Variants in GAREM2 observed in about 807,000 individuals in gnomAD.
GAREM2 encodes the protein GRB2 associated regulator of MAPK1 subtype 2, also known as GRB2-associated and regulator of MAPK protein 2.
GAREM2 carries 30 observed loss-of-function variants against 55.6 expected under a neutral mutation model. The observed-to-expected ratio is 0.54, with a 90% CI of 0.40 to 0.73. The LOEUF (loss-of-function observed/expected upper bound fraction) is 0.73, where lower values mean the gene tolerates loss of function less well. GAREM2 is among the 30% of genes least tolerant of loss of function. GAREM2 has a pLI of 0.00. For missense variants in GAREM2, 1,075 were observed against 1,257.7 expected, an observed-to-expected ratio of 0.85 and a Z score of 2.20; for synonymous variants, 550 against 569.1, an observed-to-expected ratio of 0.97 and a Z score of 0.48.
At chr2:26,203,344 T>C in the GAREM2 span, among the ~76,000 whole-genome samples, 2 of 152,202 alleles carry the variant, frequency 1.3e-5, no homozygotes, top group East Asian at 1.9e-4. Context: ...GTCCATTAAA[T>C]GTGAGCAGAA....
chr2:26,173,353 G>A (rs1384270000), intron 1 of GAREM2, 21 bp downstream of exon 1: 10 of 1,292,060 alleles, frequency 7.7e-6, no homozygotes, highest in Non-Finnish European at 1.0e-5. Flanking sequence ...CGCTGGAGAT[G>A]GGGACCGGGG....
chr2:26,201,113 T>C, the GAREM2 span: 5 of 1,509,180 alleles, frequency 3.3e-6, no homozygotes, highest in East Asian at 1.1e-4. Flanking sequence ...TTCTGTTCAC[T>C]ACACTAGGAT....
chr2:26,184,025 G>T (rs750910619), intron 3 of GAREM2, among the ~76,000 whole-genome samples: 1 of 152,278 alleles, frequency 6.6e-6, no homozygotes, highest in Non-Finnish European at 1.5e-5. Context: ...AGATATGGTC[G>T]CTAAGGCGTG....
intron 2 of GAREM2, among the ~76,000 whole-genome samples, chr2:26,182,689 G>A (rs879130024): frequency 1.3e-5 from 2 of 152,184 alleles, no homozygotes; most frequent in South Asian, 2.1e-4. Flanking sequence ...GGGTTTCTCT[G>A]GGCAGGCAGC....
At chr2:26,192,168 C>T (rs1380031315), downstream of GAREM2, 10 of 626,692 alleles carry the variant, frequency 1.6e-5, no homozygotes, top group African/African-American at 1.9e-5. Flanking sequence ...CACCATGGCA[C>T]GTGTATACCT....
chr2:26,191,595 C>T, downstream of GAREM2: 1 of 1,614,172 alleles, frequency 6.2e-7, no homozygotes, highest in Middle Eastern at 1.6e-4. Flanking sequence ...CAAATCTTGT[C>T]ACCAGGCGGA....
In GAREM2 at chr2:26,189,325, G is replaced by A. The variant is rs1205549845; in HGVS notation, c.*1068G>A. ...CATGGGGATCTGCTTGGTACCCAGA[G>A]CTCTGGTCATTGTGTCCAACCACAC... On this transcript the variant is annotated 3_prime_UTR_variant, in exon 6 of 6. Coordinates refer to ENST00000401533, the MANE Select transcript of GAREM2 (RefSeq NM_001168241.2). 1 of 152,140 alleles carries A rather than the reference G, an allele frequency of 6.6e-6. No homozygotes were observed. The highest frequency in any genetic ancestry group is 1.5e-5 in the Non-Finnish European group (1 of 68,054). The allele number at this position is 152,140 out of a possible 1,614,324, so 9.4% of individuals were successfully genotyped here.
chr2:26,182,235 T>G (rs559481903), intron 2 of GAREM2: 794 of 1,412,648 alleles, frequency 5.6e-4, no homozygotes, highest in Non-Finnish European at 7.2e-4. Context: ...CCTAGGGGCA[T>G]GTGCTGAGCT....
chr2:26,187,757 G>C lies in GAREM2; in HGVS notation c.2125G>C (p.Gly709Arg), dbSNP rs574933561. Reference sequence around the variant, plus strand: ...CTTCGATCCCTTTGAGCTGGGGCAGGGCAGTTCTCCAGAGCCTGAGCTGCT... The same window carrying C: ...CTTCGATCCCTTTGAGCTGGGGCAGCGCAGTTCTCCAGAGCCTGAGCTGCT... ...EPFDPFELGQ[G>R]SSPEPELLRS... The change falls in exon 6 of 6, where the codon GGC becomes CGC. Residue 709 changes from glycine to arginine, a missense_variant. Gly to Arg is a moderately radical substitution (Grantham distance 125). Around this residue, in one of 6 missense-constraint regions of GAREM2, gnomAD observed 515 missense variants for 501.5 expected, o/e 1.03. Coordinates refer to ENST00000401533, the MANE Select transcript of GAREM2 (RefSeq NM_001168241.2). 6.9e-7 allele frequency: 1 copy of C among 1,450,036 alleles called. No individual in the cohort carries two copies. Among genetic ancestry groups the C allele is most frequent in the East Asian group, 2.5e-5 (1 of 39,596 alleles). The allele number at this position is 1,450,036 out of a possible 1,614,324, so 89.8% of individuals were successfully genotyped here.
At chr2:26,204,236 T>A in the GAREM2 span, 1 of 1,601,772 alleles carries the variant, frequency 6.2e-7, no homozygotes. Flanking sequence ...TAAACTGATC[T>A]TAATCATTTC....
At chr2:26,195,206 G>A in the GAREM2 span, 5 of 1,612,734 alleles carry the variant, frequency 3.1e-6, no homozygotes, top group East Asian at 4.5e-5. Context: ...TCTTGTCCAC[G>A]GGAGAGAAGT....
chr2:26,203,748 A>G, the GAREM2 span, among the ~76,000 whole-genome samples: 20 of 152,242 alleles, frequency 1.3e-4, no homozygotes, highest in Admixed American at 1.3e-3. Flanking sequence ...GCCTGATACG[A>G]AAGTGTAAAA....
At position 26,185,162 on chromosome 2, in the gene GAREM2, C is replaced by G. The variant is rs1438763741; in HGVS notation, c.1314C>G (p.Pro438=). 2.0e-6 allele frequency: 3 copies of G among 1,505,984 alleles called. No individual in the cohort carries two copies. The Admixed American group carries it at 6.2e-5, about 31-fold the overall frequency. The allele number at this position is 1,505,984 out of a possible 1,614,324, so 93.3% of individuals were successfully genotyped here. A position where few individuals can be genotyped will look rare whatever the true frequency, so the allele number is the denominator to read the frequency against. ...AGGAGTTGTGGGCGCACCAGGGGCC[C>G]GAGGGCCTCGTCCGGCCGCCCCCAG... ...PYEELWAHQG[P]EGLVRPPPGL... The change falls in exon 4 of 6, where the codon CCC becomes CCG. Residue 438 remains proline, a synonymous_variant. Transcript: ENST00000401533.
At position 26,187,824 on chromosome 2, in the gene GAREM2, G is replaced by C; in HGVS notation, c.2192G>C (p.Gly731Ala). 1 of 1,440,376 alleles carries C rather than the reference G, an allele frequency of 6.9e-7. No homozygotes were observed. Among genetic ancestry groups the C allele is most frequent in the Non-Finnish European group, 9.2e-7 (1 of 1,091,904 alleles). 89.2% of individuals were successfully genotyped at this position (1,440,376 alleles called of 1,614,324 possible). A position where few individuals can be genotyped will look rare whatever the true frequency, so the allele number is the denominator to read the frequency against. ...EPRAVGTPGP[G>A]PRLSPLGPSK... ...AGAGCAGTGGGGACACCTGGGCCTGGACCCCGCCTTTCACCACTTGGCCCC... is the reference window on the plus strand; with the variant it reads ...AGAGCAGTGGGGACACCTGGGCCTGCACCCCGCCTTTCACCACTTGGCCCC... The change falls in exon 6 of 6, where the codon GGA (glycine) becomes GCA (alanine). Residue 731 changes from glycine to alanine, a missense_variant. Coordinates refer to ENST00000401533, the MANE Select transcript of GAREM2 (RefSeq NM_001168241.2).
At chr2:26,182,345 G>C in intron 2 of GAREM2, 1 of 1,503,978 alleles carries the variant, frequency 6.6e-7, no homozygotes. Flanking sequence ...AGTAGGATTG[G>C]ATATTGGACC....
intron 2 of GAREM2, among the ~76,000 whole-genome samples, chr2:26,178,444 C>T (rs1018984278): frequency 3.3e-5 from 5 of 151,702 alleles, no homozygotes; most frequent in Admixed American, 6.6e-5. Flanking sequence ...ATTAGCTAGG[C>T]GTGGTGGCGC....
At chr2:26,193,494 G>A (rs902619321), downstream of GAREM2, 13 of 1,144,092 alleles carry the variant, frequency 1.1e-5, no homozygotes, top group Non-Finnish European at 1.7e-5. Context: ...CTTCCACGAG[G>A]GCTTCTGTAA....
At chr2:26,178,926 G>A (rs1209919365) in intron 2 of GAREM2, among the ~76,000 whole-genome samples, 1 of 148,846 alleles carries the variant, frequency 6.7e-6, no homozygotes, top group African/African-American at 2.5e-5. Context: ...CTAGGAGGGC[G>A]AAGGCCGGCG....
chr2:26,195,247 C>A, the GAREM2 span: 7 of 1,608,408 alleles, frequency 4.4e-6, no homozygotes, highest in Admixed American at 1.7e-5. Context: ...CAAGGGGAAC[C>A]AAAAGCCAAC....
Sources: allele counts gnomAD v4.1 joint callset (sites outside exome capture counted in the v4.1 genomes callset), GRCh38; gene constraint gnomAD v4.1.1; regional missense constraint gnomAD v4.1.1; transcripts MANE v1.5; gene names NCBI Gene and HGNC (gene_info 2026-07-23, HGNC 2026-07-21).